Variants in TIGD7 observed in about 807,000 individuals in gnomAD.
The protein encoded by TIGD7 is tigger transposable element-derived protein 7.
In TIGD7, 26 loss-of-function variants were observed where a neutral mutation model predicts 24.8. That is an observed-to-expected ratio of 1.05 (90% CI 0.77 to 1.45). The LOEUF is 1.45. TIGD7 is among the 40% of genes most tolerant of loss of function. TIGD7 has a pLI of 0.00. For missense variants in TIGD7, 679 were observed against 641.6 expected (o/e 1.06, Z -0.63); for synonymous variants, 221 against 224.1 (o/e 0.99, Z 0.12).
In TIGD7 at chr16:3,299,537, C is replaced by A; in HGVS notation, c.1078G>T (p.Glu360Ter). ...ACTCCTTTATCTCCTTTCTCTTGCT[C>A]ATCATCACTTTCTTCAAATATTACA... is the stretch of plus-strand genomic sequence containing the variant. The part of the protein sequence containing the change: ...SLVIFEESDD[E>*]QEKGDKGVSK... The change falls in exon 2 of 2, where the codon GAG becomes TAG. Residue 360 changes from glutamate (E) to a stop codon, truncating the protein, a stop_gained. Coordinates refer to ENST00000396862, the MANE Select transcript of TIGD7 (RefSeq NM_033208.4). LOFTEE classifies it low-confidence loss of function (END_TRUNC). 6.5e-7 allele frequency: 1 copy of A among 1,527,434 alleles called. No homozygotes were observed. Among genetic ancestry groups the A allele is most frequent in the South Asian group, 1.3e-5 (1 of 76,536 alleles). 94.6% of individuals were successfully genotyped at this position (1,527,434 alleles called of 1,614,324 possible).
intron 1 of TIGD7, among the ~76,000 whole-genome samples, chr16:3,303,087 C>G (rs1015346986): frequency 2.0e-5 from 3 of 152,172 alleles, no homozygotes; most frequent in African/African-American, 7.2e-5. Flanking sequence ...ATCCACCCAC[C>G]TAGGCCTCCC....
Position 3,301,352 on chromosome 16 carries a change from A to C in TIGD7, c.-738T>G, listed in dbSNP as rs950310495. On this transcript the variant is annotated 5_prime_UTR_variant, in exon 2 of 2. The change creates a new upstream start codon in the 5' untranslated region. Coordinates refer to ENST00000396862, the MANE Select transcript of TIGD7 (RefSeq NM_033208.4). ...AAGAAAGTAGTTTGTTGTACATATG[A>C]ATGAAATCCAACTTTTATTGCATTC... 6.0e-6 allele frequency: 1 copy of C among 167,236 alleles called. No individual in the cohort carries two copies. Among genetic ancestry groups the C allele is most frequent in the East Asian group, 1.9e-4 (1 of 5,192 alleles). The allele number at this position is 167,236 out of a possible 1,614,324, so 10.4% of individuals were successfully genotyped here. A position where few individuals can be genotyped will look rare whatever the true frequency, so the allele number is the denominator to read the frequency against.
At chr16:3,303,961 T>G (rs1960025073) in intron 1 of TIGD7, 1 of 152,070 alleles carries the variant, frequency 6.6e-6, no homozygotes, top group Admixed American at 6.6e-5. Flanking sequence ...GCCTCCCGAG[T>G]AGCTGGGACT....
Position 3,299,719 on chromosome 16 carries a change from G to C in TIGD7, c.896C>G (p.Pro299Arg). 6.5e-7 allele frequency: 1 copy of C among 1,535,260 alleles called. No individual in the cohort carries two copies. Among genetic ancestry groups the C allele is most frequent in the Admixed American group, 2.2e-5 (1 of 45,466 alleles). ...TAGGGATTCAGAGGAAGGATGAGCC[G>C]GGCAACTGTCCAGAAGTAACAATGC... The part of the protein sequence containing the change: ...VRALLLLDSC[P>R]AHPSSESLTS... Residue 299 changes from proline to arginine, a missense_variant, in exon 2 of 2, where the codon CCG (proline) becomes CGG (arginine). By Grantham distance (103) the Pro-to-Arg change is moderately radical. Transcript: ENST00000396862.
At position 3,298,847 on chromosome 16, in the gene TIGD7, A is replaced by G. The variant is rs1276013369; in HGVS notation, c.*118T>C. 2.4e-6 allele frequency: 1 copy of G among 413,180 alleles called. No homozygotes were observed. The highest frequency in any genetic ancestry group is 4.3e-6 in the Non-Finnish European group (1 of 235,160). The allele number at this position is 413,180 out of a possible 1,614,324, so 25.6% of individuals were successfully genotyped here. On this transcript the variant is annotated 3_prime_UTR_variant, in exon 2 of 2. Coordinates refer to ENST00000396862, the MANE Select transcript of TIGD7 (RefSeq NM_033208.4). ...CACAAATGTATTATTTTCAAACTGT[A>G]AATTTTATAACCATTATATAAATGG...
rs1959939851 is a variant in TIGD7, at chr16:3,301,550, CTATT to C, written c.-940_-937del. On this transcript the variant is annotated 5_prime_UTR_variant, in exon 2 of 2. Coordinates refer to ENST00000396862, the MANE Select transcript of TIGD7 (RefSeq NM_033208.4). ...TGCTATTTTTCACTGAAACTGTTCT[CTATT>C]TGAGATATTATCAAGTTTCAGAATC... The C allele has an allele frequency of 6.0e-6, 1 of 166,944 alleles. No homozygotes were observed. The highest frequency in any genetic ancestry group is 1.5e-5 in the Non-Finnish European group (1 of 68,102). The allele number at this position is 166,944 out of a possible 1,614,324, so 10.3% of individuals were successfully genotyped here.
Position 3,299,583 on chromosome 16 carries a change from C to T in TIGD7, c.1032G>A (p.Trp344Ter). 6.5e-7 allele frequency: 1 copy of T among 1,541,752 alleles called. No homozygotes were observed. Among genetic ancestry groups the T allele is most frequent in the Non-Finnish European group, 8.7e-7 (1 of 1,149,912 alleles). ...VILSCKRLYR[W>*]KQLEESLVIF... The stretch of plus-strand genomic sequence containing the variant: ...TTACAAGACTCTCTTCAAGTTGCTT[C>T]CATCTATACAGCCGTTTGCAGCTCA... The change falls in exon 2 of 2, where the codon TGG (tryptophan) becomes TGA (stop). Residue 344 changes from tryptophan to a stop codon, truncating the protein, a stop_gained. Transcript: ENST00000396862. LOFTEE classifies it low-confidence loss of function (END_TRUNC).
Position 3,299,702 on chromosome 16 carries a change from C to A in TIGD7, c.913G>T (p.Glu305Ter). The change falls in exon 2 of 2, where the codon GAA becomes TAA. Residue 305 changes from glutamate to a stop codon, truncating the protein, a stop_gained. Transcript: ENST00000396862. LOFTEE classifies it low-confidence loss of function (END_TRUNC). ...LDSCPAHPSS[E>*]SLTSEDGRIK... ...CGACCATCCTCACTGGTTAGGGATT[C>A]AGAGGAAGGATGAGCCGGGCAACTG... 1 of 1,537,380 alleles carries A rather than the reference C, an allele frequency of 6.5e-7. No individual in the cohort carries two copies. Among genetic ancestry groups the A allele is most frequent in the Non-Finnish European group, 8.7e-7 (1 of 1,147,484 alleles).
chr16:3,301,885 G>C lies in TIGD7; in HGVS notation c.-1271C>G, dbSNP rs1211660279. ...CAAATACTCTTTTCGGGTCCTCCTG[G>C]TGCTCCCCAAAGCCATTCCAGGTCC... is the stretch of plus-strand genomic sequence containing the variant. On this transcript the variant is annotated 5_prime_UTR_variant, in exon 2 of 2. Coordinates refer to ENST00000396862, the MANE Select transcript of TIGD7 (RefSeq NM_033208.4). 7 of 166,966 alleles carry C rather than the reference G, an allele frequency of 4.2e-5. No individual in the cohort carries two copies. The highest frequency in any genetic ancestry group is 7.2e-5 in the African/African-American group (3 of 41,392). 10.3% of individuals were successfully genotyped at this position (166,966 alleles called of 1,614,324 possible).
chr16:3,300,227 G>T lies in TIGD7; in HGVS notation c.388C>A (p.Arg130=). 10 of 1,614,162 alleles carry T rather than the reference G, an allele frequency of 6.2e-6. No homozygotes were observed. Among genetic ancestry groups the T allele is most frequent in the Non-Finnish European group, 8.5e-6 (10 of 1,180,030 alleles). Residue 130 remains arginine (R), a synonymous_variant, in exon 2 of 2, where the codon CGA becomes AGA. Transcript: ENST00000396862. ...KASTGWLFRF[R]NRHAIGNRKG... ...CGGTTCCCAATTGCATGCCGATTTC[G>T]AAATCTAAAAAGCCAACCAGTGCTA...
rs759697789 is a variant in TIGD7, at chr16:3,299,927, CAAT to C, written c.685_687del (p.Ile229del). 4 of 1,612,448 alleles carry C rather than the reference CAAT, an allele frequency of 2.5e-6. No homozygotes were observed. Among genetic ancestry groups the C allele is most frequent in the Non-Finnish European group, 3.4e-6 (4 of 1,179,330 alleles). ...ACACTTTTGGGCAGTTTTGATTTTCCAATAATGATTGACTTTAATTTATGAGTT... is the reference window on the plus strand; with the variant it reads ...ACACTTTTGGGCAGTTTTGATTTTCCAATGATTGACTTTAATTTATGAGTT... On this transcript the variant is annotated inframe_deletion, in exon 2 of 2. Transcript: ENST00000396862.
Position 3,300,721 on chromosome 16 carries a change from C to A in TIGD7, c.-107G>T. ...TTTAAACAAAACTTAGCTGAAAGCCCCAGAAGGCATGGGCATTGTATTGGA... is the reference window on the plus strand; with the variant it reads ...TTTAAACAAAACTTAGCTGAAAGCCACAGAAGGCATGGGCATTGTATTGGA... On this transcript the variant is annotated 5_prime_UTR_variant, in exon 2 of 2. Transcript: ENST00000396862. 2 of 1,470,016 alleles carry A rather than the reference C, an allele frequency of 1.4e-6. No homozygotes were observed. The highest frequency in any genetic ancestry group is 1.8e-6 in the Non-Finnish European group (2 of 1,112,608). The allele number at this position is 1,470,016 out of a possible 1,614,324, so 91.1% of individuals were successfully genotyped here.
In TIGD7 at chr16:3,299,736, TAACAA is replaced by T; in HGVS notation, c.874_878del (p.Leu292ThrfsTer12). The T allele has an allele frequency of 6.5e-7, 1 of 1,541,172 alleles. No individual in the cohort carries two copies. Among genetic ancestry groups the T allele is most frequent in the South Asian group, 1.3e-5 (1 of 77,170 alleles). ...GATGAGCCGGGCAACTGTCCAGAAG[TAACAA>T]TGCCCTGACGTCCTCGTCATGAAAT... On this transcript the variant is annotated frameshift_variant, in exon 2 of 2. Transcript: ENST00000396862. LOFTEE classifies it low-confidence loss of function (END_TRUNC).
chr16:3,298,950 C>A lies in TIGD7; in HGVS notation c.*15G>T, dbSNP rs377637766. 4 of 1,160,764 alleles carry A rather than the reference C, an allele frequency of 3.4e-6. No homozygotes were observed. In the African/African-American group the frequency reaches 6.3e-5, roughly 18 times the overall value. The allele number at this position is 1,160,764 out of a possible 1,614,324, so 71.9% of individuals were successfully genotyped here. A position where few individuals can be genotyped will look rare whatever the true frequency, so the allele number is the denominator to read the frequency against. ...GCCTACATCATATAATGGCAGAAAT[C>A]TTTAAACACAAAATCTAATGATTAG... On this transcript the variant is annotated 3_prime_UTR_variant, in exon 2 of 2. Transcript: ENST00000396862.
rs1959928025 is a variant in TIGD7 at position 3,301,098 on chromosome 16, G to A, written c.-484C>T. On this transcript the variant is annotated 5_prime_UTR_variant, in exon 2 of 2. Transcript: ENST00000396862. Reference sequence around the variant, plus strand: ...CGTGAAAGACTCAAAGGCAATGACAGAGTAATCTTGTGTGTAGCAGAGATG... The same window carrying A: ...CGTGAAAGACTCAAAGGCAATGACAAAGTAATCTTGTGTGTAGCAGAGATG... 5.9e-6 allele frequency: 1 copy of A among 168,940 alleles called. No individual in the cohort carries two copies. The highest frequency in any genetic ancestry group is 2.0e-4 in the South Asian group (1 of 4,936). 10.5% of individuals were successfully genotyped at this position (168,940 alleles called of 1,614,324 possible).
At position 3,300,229 on chromosome 16, in the gene TIGD7, A is replaced by C. The variant is rs201630933; in HGVS notation, c.386T>G (p.Phe129Cys). 777 of 1,614,186 alleles carry C rather than the reference A, an allele frequency of 4.8e-4. 18 individuals carry two copies. In the South Asian group the frequency reaches 8.2e-3, roughly 17 times the overall value. Residue 129 changes from phenylalanine (F) to cysteine (C), a missense_variant, in exon 2 of 2, where the codon TTT (phenylalanine) becomes TGT (cysteine). Transcript: ENST00000396862. Reference protein sequence around the residue: ...FKASTGWLFRFRNRHAIGNRK... With the variant: ...FKASTGWLFRCRNRHAIGNRK... ...GTTCCCAATTGCATGCCGATTTCGA[A>C]ATCTAAAAAGCCAACCAGTGCTAGC...
At chr16:3,302,833 CTTTTTT>C (rs58436553) in intron 1 of TIGD7, among the ~76,000 whole-genome samples, 1 of 121,442 alleles carries the variant, frequency 8.2e-6, no homozygotes, top group South Asian at 2.7e-4. Flanking sequence ...GTGCCGTCGT[CTTTTTT>C]TTTTTTTTTT....
At position 3,299,353 on chromosome 16, in the gene TIGD7, C is replaced by G. The variant is rs139429241; in HGVS notation, c.1262G>C (p.Arg421Thr). Residue 421 changes from arginine (R) to threonine (T), a missense_variant, in exon 2 of 2, where the codon AGA (arginine) becomes ACA (threonine). By Grantham distance (71) the Arg-to-Thr change is moderately conservative. Transcript: ENST00000396862. The stretch of plus-strand genomic sequence containing the variant: ...CTCCCCACATTTTTCAAGAATTTCT[C>G]TATAATCCCCATGTTCTAAGCCTTG... ...DFQGLEHGDYREILEKCGELE... is the reference protein window; with the variant it reads ...DFQGLEHGDYTEILEKCGELE... 82 of 1,590,886 alleles carry G rather than the reference C, an allele frequency of 5.2e-5. No homozygotes were observed. In the African/African-American group the frequency reaches 8.6e-4, roughly 17 times the overall value.
rs1258469508 is a variant in TIGD7 at position 3,299,717 on chromosome 16, C to T, written c.898G>A (p.Ala300Thr). 1 of 1,535,314 alleles carries T rather than the reference C, an allele frequency of 6.5e-7. No individual in the cohort carries two copies. The highest frequency in any genetic ancestry group is 8.7e-7 in the Non-Finnish European group (1 of 1,145,868). The change falls in exon 2 of 2, where the codon GCT becomes ACT. Residue 300 changes from alanine (A) to threonine (T), a missense_variant. Coordinates refer to ENST00000396862, the MANE Select transcript of TIGD7 (RefSeq NM_033208.4). Reference protein sequence around the residue: ...RALLLLDSCPAHPSSESLTSE... With the variant: ...RALLLLDSCPTHPSSESLTSE... ...GTTAGGGATTCAGAGGAAGGATGAG[C>T]CGGGCAACTGTCCAGAAGTAACAAT...
Sources: gnomAD v4.1 joint callset for allele counts (sites outside exome capture counted in the v4.1 genomes callset) on GRCh38, gnomAD v4.1.1 for gene constraint, MANE v1.5 for transcripts, NCBI Gene and HGNC (gene_info 2026-07-23, HGNC 2026-07-21) for gene names.